SLC35F1: variants seen among roughly 807,000 people sequenced by gnomAD.
SLC35F1 encodes the protein solute carrier family 35 member F1, also known as chromosome 6 open reading frame 169.
A neutral mutation model predicts 48.7 loss-of-function variants in SLC35F1; 14 were observed. The observed-to-expected ratio is 0.29, with a 90% CI of 0.19 to 0.45. The LOEUF is 0.45. SLC35F1 is among the 20% of genes least tolerant of loss of function. The pLI is 1.00. For missense variants in SLC35F1, 404 were observed against 500.0 expected, an observed-to-expected ratio of 0.81 and a Z score of 1.83; for synonymous variants, 190 against 202.2, an observed-to-expected ratio of 0.94 and a Z score of 0.51.
rs74653955 is a variant in SLC35F1, at chr6:118,078,414, G to T, written c.174-76031G>T. On this transcript the variant is annotated intron_variant, in intron 1 of 7. Coordinates refer to ENST00000360388, the MANE Select transcript of SLC35F1 (RefSeq NM_001029858.4). ...AAATCTTTAAAGGAATACACACATG[G>T]GAAATGATGAAGGGGAAAAAATTGC... Among the ~76,000 whole-genome samples, 471 of 152,154 alleles carry T rather than the reference G, an allele frequency of 3.1e-3. 2 individuals are homozygous for T. Among genetic ancestry groups the T allele is most frequent in the African/African-American group, 0.011 (453 of 41,526 alleles).
At chr6:118,259,068 G>A (rs965917929) in intron 3 of SLC35F1, among the ~76,000 whole-genome samples, 1 of 151,080 alleles carries the variant, frequency 6.6e-6, no homozygotes, top group Admixed American at 6.6e-5. Context: ...ATACGATAAA[G>A]GTCTAATAGC....
At chr6:118,206,368 G>A (rs1421125282) in intron 2 of SLC35F1, among the ~76,000 whole-genome samples, 1 of 152,036 alleles carries the variant, frequency 6.6e-6, no homozygotes, top group Non-Finnish European at 1.5e-5. Context: ...AAAGTACTTT[G>A]GGGTTATACC....
rs756123958 is a variant in SLC35F1, at chr6:118,072,846, C to T, written c.174-81599C>T. Among the ~76,000 whole-genome samples the T allele has an allele frequency of 3.3e-5, 5 of 152,178 alleles. No homozygotes were observed. The East Asian group carries it at 5.8e-4, about 18-fold the overall frequency. The stretch of plus-strand genomic sequence containing the variant: ...CCAGAGTTTGGTTTCTTTTTCCATT[C>T]GTGACTGTTCAGTTTTTTCTTCAGA... On this transcript the variant is annotated intron_variant, in intron 1 of 7. Coordinates refer to ENST00000360388, the MANE Select transcript of SLC35F1 (RefSeq NM_001029858.4).
chr6:118,215,667 T>C (rs1263616654), intron 2 of SLC35F1, among the ~76,000 whole-genome samples: 1 of 152,230 alleles, frequency 6.6e-6, no homozygotes, highest in Non-Finnish European at 1.5e-5. Flanking sequence ...GTTAATACTT[T>C]TATTAATGTA....
In SLC35F1 at chr6:117,907,821, A is replaced by C. The variant is rs1286828380; in HGVS notation, c.95A>C (p.Glu32Ala). 1.9e-6 allele frequency: 3 copies of C among 1,542,112 alleles called. No individual in the cohort carries two copies. The Admixed American group carries it at 5.6e-5, about 29-fold the overall frequency. The change falls in exon 1 of 8, where the codon GAG becomes GCG. Residue 32 changes from glutamate to alanine, a missense_variant. Glu to Ala is a moderately radical substitution (Grantham distance 107, BLOSUM62 -1). This residue lies in a region of SLC35F1 where 98 missense variants were observed against 81.0 expected (regional missense o/e 1.21). Coordinates refer to ENST00000360388, the MANE Select transcript of SLC35F1 (RefSeq NM_001029858.4). ...ACCACCATCGAGAACCTGCCGGCCG[A>C]GGGCAGCGGCGGCGGCGGGAGCCTG... ...VVTTIENLPA[E>A]GSGGGGSLSA...
At chr6:118,099,662 A>G (rs1163847553) in intron 1 of SLC35F1, among the ~76,000 whole-genome samples, 1 of 152,150 alleles carries the variant, frequency 6.6e-6, no homozygotes, top group East Asian at 1.9e-4. Flanking sequence ...CAAGGTTAAA[A>G]ATAGCCCGGT....
intron 1 of SLC35F1, among the ~76,000 whole-genome samples, chr6:118,031,230 C>T (rs555583767): frequency 6.6e-6 from 1 of 152,020 alleles, no homozygotes; most frequent in East Asian, 1.9e-4. Flanking sequence ...TTTCTTTATC[C>T]CTTACATCTG....
At chr6:117,954,550 C>T (rs139972358) in intron 1 of SLC35F1, among the ~76,000 whole-genome samples, 3 of 152,300 alleles carry the variant, frequency 2.0e-5, no homozygotes, top group East Asian at 1.9e-4. Context: ...TGAGCCACTG[C>T]GCTTGGCTGT....
At chr6:118,151,549 C>CTG (rs1311127372) in intron 1 of SLC35F1, among the ~76,000 whole-genome samples, 1 of 152,146 alleles carries the variant, frequency 6.6e-6, no homozygotes, top group African/African-American at 2.4e-5. Flanking sequence ...GGGTCTTGCT[C>CTG]TGTAGCCCAG....
intron 7 of SLC35F1, among the ~76,000 whole-genome samples, chr6:118,298,654 C>T (rs575457334): frequency 2.0e-5 from 3 of 152,206 alleles, no homozygotes; most frequent in Non-Finnish European, 4.4e-5. Context: ...CCAGAGTCAG[C>T]CAACTCCACT....
chr6:117,928,707 A>C (rs1776060547), intron 1 of SLC35F1, among the ~76,000 whole-genome samples: 1 of 152,104 alleles, frequency 6.6e-6, no homozygotes, highest in African/African-American at 2.4e-5. Flanking sequence ...TTTGATGAAG[A>C]CAGTGTGGAC....
At chr6:118,001,137 G>A (rs557497034) in intron 1 of SLC35F1, among the ~76,000 whole-genome samples, 76 of 152,210 alleles carry the variant, frequency 5.0e-4, no homozygotes, top group Admixed American at 3.2e-3. Flanking sequence ...AGCCTGCATC[G>A]CCAAGTCAAT....
chr6:118,078,160 A>G (rs1318941659), intron 1 of SLC35F1, among the ~76,000 whole-genome samples: 1 of 152,318 alleles, frequency 6.6e-6, no homozygotes, highest in Non-Finnish European at 1.5e-5. Context: ...GATGAGAGAA[A>G]TACTCAAAGT....
At chr6:118,003,291 C>A (rs537871465) in intron 1 of SLC35F1, among the ~76,000 whole-genome samples, 1 of 152,282 alleles carries the variant, frequency 6.6e-6, no homozygotes, top group South Asian at 2.1e-4. Flanking sequence ...ACTCTTCCAG[C>A]AAATCCAAAA....
chr6:118,286,793 G>T (rs900613640), intron 7 of SLC35F1, among the ~76,000 whole-genome samples: 6 of 138,156 alleles, frequency 4.3e-5, no homozygotes, highest in South Asian at 2.3e-4. Flanking sequence ...GTGTGTGTGT[G>T]TGTGTGTGTG....
chr6:118,313,215 T>C (rs983727481), intron 7 of SLC35F1, among the ~76,000 whole-genome samples: 6 of 152,232 alleles, frequency 3.9e-5, no homozygotes, highest in Non-Finnish European at 8.8e-5. Flanking sequence ...ATACTCATAT[T>C]GTTACCATAC....
Position 118,129,624 on chromosome 6 carries a change from G to A in SLC35F1, c.174-24821G>A, listed in dbSNP as rs145868440. Among the ~76,000 whole-genome samples the A allele has an allele frequency of 6.6e-3, 1,005 of 152,148 alleles. 8 individuals are homozygous for A. The highest frequency in any genetic ancestry group is 0.014 in the Middle Eastern group (4 of 294). ...TGCTGTAGGCGTAATGGGTAGATTC[G>A]AGGGATGTTATGGAAATTGAATCAA... is the stretch of plus-strand genomic sequence containing the variant. On this transcript the variant is annotated intron_variant, in intron 1 of 7. Coordinates refer to ENST00000360388, the MANE Select transcript of SLC35F1 (RefSeq NM_001029858.4).
intron 1 of SLC35F1, among the ~76,000 whole-genome samples, chr6:117,993,633 TG>T (rs1391309884): frequency 6.6e-6 from 1 of 152,160 alleles, no homozygotes; most frequent in Non-Finnish European, 1.5e-5. Context: ...AGCTTTCACC[TG>T]TTCATAGTTA....
chr6:118,310,761 T>C (rs1776363419), intron 7 of SLC35F1, among the ~76,000 whole-genome samples: 1 of 152,142 alleles, frequency 6.6e-6, no homozygotes, highest in African/African-American at 2.4e-5. Flanking sequence ...TAGAAGTGCA[T>C]TAAAAATAAA....
Sources: allele counts gnomAD v4.1 joint callset (sites outside exome capture counted in the v4.1 genomes callset), GRCh38; gene constraint gnomAD v4.1.1; regional missense constraint gnomAD v4.1.1; transcripts MANE v1.5; gene names NCBI Gene and HGNC (gene_info 2026-07-23, HGNC 2026-07-21).